The following NKAP variants were observed in gnomAD, a reference collection of about 807,000 sequenced individuals.
NKAP encodes the protein NF-kappa-B-activating protein.
A neutral mutation model predicts 35.6 loss-of-function variants in NKAP; 4 were observed. The ratio of observed to expected loss-of-function variants is 0.11; its 90% CI spans 0.06 to 0.26. NKAP has a LOEUF of 0.26. NKAP is among the 10% of genes least tolerant of loss of function. The pLI is 1.00. For missense variants in NKAP, 238 were observed against 321.9 expected (o/e 0.74, Z 1.99); for synonymous variants, 106 against 119.2 (o/e 0.89, Z 0.72).
intron 5 of NKAP, among the ~76,000 whole-genome samples, 179 bp downstream of exon 5, chrX:119,934,315 C>A (rs1233742272): frequency 9.6e-6 from 1 of 104,501 alleles, no homozygotes; most frequent in Non-Finnish European, 1.9e-5. Flanking sequence ...TGCCTATAAT[C>A]CCAGCTACTC....
intron 8 of NKAP, among the ~76,000 whole-genome samples, chrX:119,929,202 T>G (rs2056729648): frequency 8.9e-6 from 1 of 112,080 alleles, no homozygotes; most frequent in African/African-American, 3.2e-5. Flanking sequence ...AGCCTTCCTT[T>G]CCAATCCTTG....
At chrX:119,933,493 T>G (rs1199624355) in intron 5 of NKAP, among the ~76,000 whole-genome samples, 1 of 111,793 alleles carries the variant, frequency 8.9e-6, no homozygotes, top group Non-Finnish European at 1.9e-5. Context: ...TTCTCAGGCC[T>G]CTAGACCTAT....
chrX:119,942,932 A>C, intron 1 of NKAP: 1 of 284,330 alleles, frequency 3.5e-6, no homozygotes, highest in Non-Finnish European at 6.2e-6. Context: ...ACAACCAGGT[A>C]AATGCTACAG....
chrX:119,935,242 T>C (rs1469952136), intron 4 of NKAP, among the ~76,000 whole-genome samples: 1 of 111,339 alleles, frequency 9.0e-6, no homozygotes, highest in Non-Finnish European at 1.9e-5. Flanking sequence ...TTAAAGTAGT[T>C]CTTTGATTAC....
chrX:119,935,098 CAGAT>C (rs2056760646), intron 4 of NKAP, among the ~76,000 whole-genome samples: 1 of 111,114 alleles, frequency 9.0e-6, no homozygotes, highest in African/African-American at 3.3e-5. Context: ...ATGGAGGAGA[CAGAT>C]AGGTAAAGAG....
At chrX:119,933,266 GGTAA>G (rs2056750440) in intron 5 of NKAP, among the ~76,000 whole-genome samples, 1 of 111,752 alleles carries the variant, frequency 8.9e-6, no homozygotes, top group Non-Finnish European at 1.9e-5. Flanking sequence ...AGTTGATGAG[GGTAA>G]GTTTCTCTTA....
At chrX:119,927,061 CAAAAAAAAAA>C (rs757523569) in intron 8 of NKAP, among the ~76,000 whole-genome samples, 1 of 33,291 alleles carries the variant, frequency 3.0e-5, no homozygotes, top group Admixed American at 4.3e-4. Flanking sequence ...AACTAGGTCT[CAAAAAAAAAA>C]AAAAAAAAAA....
Position 119,925,194 on chromosome X carries a change from A to G in NKAP, c.*26T>C. 2 of 1,194,905 alleles carry G rather than the reference A, an allele frequency of 1.7e-6. No individual in the cohort carries two copies. The highest frequency in any genetic ancestry group is 3.7e-5 in the South Asian group (2 of 54,327). ...CAGACTTTCTTTTTTGTTGTTAAAA[A>G]TGTCTTCTGGACAATCAGAAAATCT... On this transcript the variant is annotated 3_prime_UTR_variant, in exon 9 of 9. Transcript: ENST00000371410.
chrX:119,943,230 G>A lies in NKAP; in HGVS notation c.376C>T (p.Leu126=), dbSNP rs1331436948. Residue 126 remains leucine (L), a synonymous_variant, in exon 1 of 9, where the codon CTG becomes TTG. Coordinates refer to ENST00000371410, the MANE Select transcript of NKAP (RefSeq NM_024528.4). ...GGCCGTCTCACTCACTTCTGCCGCA[G>A]GCTCTCCTCCCTCTCCTTGTCGAGG... ...SLLDKEREES[L]RQKRLSERER... 8.4e-7 allele frequency: 1 copy of A among 1,184,520 alleles called. No homozygotes were observed. The highest frequency in any genetic ancestry group is 1.1e-6 in the Non-Finnish European group (1 of 880,702).
intron 3 of NKAP, 35 bp downstream of exon 3, chrX:119,936,577 C>A: frequency 9.4e-7 from 1 of 1,064,982 alleles, no homozygotes; most frequent in Middle Eastern, 3.4e-4. Context: ...AATAAAATAG[C>A]TTGTATTTTA....
Position 119,931,973 on chromosome X carries a change from G to A in NKAP, c.886C>T (p.Pro296Ser), listed in dbSNP as rs770054666. The A allele has an allele frequency of 8.3e-7, 1 of 1,206,065 alleles. No individual in the cohort carries two copies. Among genetic ancestry groups the A allele is most frequent in the East Asian group, 3.0e-5 (1 of 33,782 alleles). ...TCATCTTGAGAGGTAAGTGTTTTTG[G>A]AGCCTCTGGGCCAATTAAATCTGAT... ...EPSDLIGPEA[P>S]KTLTSQDDKP... Residue 296 changes from proline to serine, a missense_variant, in exon 7 of 9, where the codon CCA becomes TCA. Physicochemically the swap from Pro to Ser is moderately conservative, Grantham distance 74 (BLOSUM62 -1). Around this residue, in one of 5 missense-constraint regions of NKAP, gnomAD observed 89 missense variants for 91.7 expected, o/e 0.97. Transcript: ENST00000371410.
intron 1 of NKAP, among the ~76,000 whole-genome samples, chrX:119,941,562 T>C: frequency 8.9e-6 from 1 of 112,420 alleles, no homozygotes; most frequent in Middle Eastern, 4.6e-3. Flanking sequence ...AAAGGCTTCA[T>C]ACTCAGTCTG....
chrX:119,935,551 A>G (rs2056762513), intron 4 of NKAP, among the ~76,000 whole-genome samples: 1 of 111,397 alleles, frequency 9.0e-6, no homozygotes, highest in Non-Finnish European at 1.9e-5. Context: ...ATTGTATGAG[A>G]TAGTGTTGTA....
rs1243813553 is a variant in NKAP at position 119,921,212 on chromosome X, C to T, written c.*4008G>A. ...GACACGGGAAGGATACAATCATTGCCCTTACTTATCTTTGATCTTCTTCCC... is the reference window on the plus strand; with the variant it reads ...GACACGGGAAGGATACAATCATTGCTCTTACTTATCTTTGATCTTCTTCCC... On this transcript the variant is annotated 3_prime_UTR_variant, in exon 9 of 9. Coordinates refer to ENST00000371410, the MANE Select transcript of NKAP (RefSeq NM_024528.4). 2.7e-5 allele frequency: 3 copies of T among 111,006 alleles called. No individual in the cohort carries two copies. Among genetic ancestry groups the T allele is most frequent in the Non-Finnish European group, 5.7e-5 (3 of 52,998 alleles). The allele number at this position is 111,006 out of a possible 1,213,427, so 9.1% of individuals were successfully genotyped here. A position where few individuals can be genotyped will look rare whatever the true frequency, so the allele number is the denominator to read the frequency against.
rs1331956217 is a variant in NKAP, at chrX:119,922,825, G to A, written c.*2395C>T. On this transcript the variant is annotated 3_prime_UTR_variant, in exon 9 of 9. Transcript: ENST00000371410. ...AACCACTTAAAAATATAAGGCAAGCGGGCATTTTACAATAGTATAATCAGA... is the reference window on the plus strand; with the variant it reads ...AACCACTTAAAAATATAAGGCAAGCAGGCATTTTACAATAGTATAATCAGA... 1.8e-5 allele frequency: 2 copies of A among 111,688 alleles called. No homozygotes were observed. The highest frequency in any genetic ancestry group is 2.8e-4 in the East Asian group (1 of 3,597). 9.2% of individuals were successfully genotyped at this position (111,688 alleles called of 1,213,427 possible).
chrX:119,935,686 T>C (rs2147848050), intron 4 of NKAP, among the ~76,000 whole-genome samples: 1 of 110,954 alleles, frequency 9.0e-6, no homozygotes, highest in African/African-American at 3.3e-5. Context: ...CAGAGGAAGG[T>C]GAATCTTTGT....
chrX:119,925,048 G>A lies in NKAP; in HGVS notation c.*172C>T, dbSNP rs944237472. 1 of 507,853 alleles carries A rather than the reference G, an allele frequency of 2.0e-6. No homozygotes were observed. The highest frequency in any genetic ancestry group is 4.2e-5 in the Admixed American group (1 of 24,061). The allele number at this position is 507,853 out of a possible 1,213,427, so 41.9% of individuals were successfully genotyped here. ...CAATCCAAAATAACCCAAAGAACTTGCTAAAGTTATATCAATAAGCAGCTT... is the reference window on the plus strand; with the variant it reads ...CAATCCAAAATAACCCAAAGAACTTACTAAAGTTATATCAATAAGCAGCTT... On this transcript the variant is annotated 3_prime_UTR_variant, in exon 9 of 9. Coordinates refer to ENST00000371410, the MANE Select transcript of NKAP (RefSeq NM_024528.4).
rs2056700179 is a variant in NKAP, at chrX:119,924,454, A to C, written c.*766T>G. The stretch of plus-strand genomic sequence containing the variant: ...TGCCCAGGCTGGAGTGCAATGTCAC[A>C]ATCTCGGCTCACTGCAACCTCCGCC... On this transcript the variant is annotated 3_prime_UTR_variant, in exon 9 of 9. Coordinates refer to ENST00000371410, the MANE Select transcript of NKAP (RefSeq NM_024528.4). 9.1e-6 allele frequency: 1 copy of C among 110,405 alleles called. No individual in the cohort carries two copies. The highest frequency in any genetic ancestry group is 3.9e-4 in the South Asian group (1 of 2,573). 9.1% of individuals were successfully genotyped at this position (110,405 alleles called of 1,213,427 possible).
intron 7 of NKAP, 53 bp downstream of exon 7, chrX:119,931,883 G>A (rs1244352226): frequency 5.5e-5 from 54 of 979,056 alleles, no homozygotes; most frequent in Non-Finnish European, 7.7e-5. Flanking sequence ...AGGTAAGTTA[G>A]AACCAGACTT....
Sources: gnomAD v4.1 joint callset for allele counts (sites outside exome capture counted in the v4.1 genomes callset) on GRCh38, gnomAD v4.1.1 for gene constraint, gnomAD v4.1.1 regional missense constraint, MANE v1.5 for transcripts, NCBI Gene and HGNC (gene_info 2026-07-23, HGNC 2026-07-21) for gene names.